SLC35F4: variants seen among roughly 807,000 people sequenced by gnomAD.
SLC35F4 encodes the protein solute carrier family 35 member F4.
In SLC35F4, 24 loss-of-function variants were observed where a neutral mutation model predicts 44.2. The observed-to-expected ratio is 0.54, with a 90% confidence interval of 0.39 to 0.76. SLC35F4 has a LOEUF of 0.76. Ranked by LOEUF, SLC35F4 falls within the 30% of genes least tolerant of loss-of-function variation. The pLI, the probability that SLC35F4 is intolerant of heterozygous loss-of-function variation, is 0.00. For synonymous variants in SLC35F4, 238 were observed against 223.6 expected (o/e 1.06, Z -0.57); for missense variants, 562 against 586.1 (o/e 0.96, Z 0.42).
intron 1 of SLC35F4, among the ~76,000 whole-genome samples, chr14:57,849,905 A>C (rs1886405548): frequency 6.6e-6 from 1 of 152,208 alleles, no homozygotes; most frequent in Non-Finnish European, 1.5e-5. Context: ...ACCCCTGAGG[A>C]AACTTTGGAA....
At chr14:57,894,088 A>G (rs906917820) in intron 1 of SLC35F4, among the ~76,000 whole-genome samples, 3 of 152,156 alleles carry the variant, frequency 2.0e-5, no homozygotes, top group Non-Finnish European at 4.4e-5. Context: ...GACAGACCAC[A>G]TGAAGTTCTT....
intron 6 of SLC35F4, among the ~76,000 whole-genome samples, chr14:57,568,132 C>G (rs2068296159): frequency 1.3e-5 from 2 of 152,228 alleles, no homozygotes; most frequent in Non-Finnish European, 2.9e-5. Context: ...AACTTTGGCA[C>G]AGTGAGCTCT....
chr14:57,730,016 C>T (rs1566802404), intron 1 of SLC35F4, among the ~76,000 whole-genome samples: 1 of 152,154 alleles, frequency 6.6e-6, no homozygotes, highest in African/African-American at 2.4e-5. Flanking sequence ...GTAAAGTTCC[C>T]CAGTTCCTGT....
rs964997338 is a variant in SLC35F4, at chr14:57,859,233, G to A, written c.103+6490C>T. Among the ~76,000 whole-genome samples, 6 of 152,076 alleles carry A rather than the reference G, an allele frequency of 3.9e-5. No individual in the cohort carries two copies. The East Asian group carries it at 5.8e-4, about 15-fold the overall frequency. On this transcript the variant is annotated intron_variant, in intron 1 of 7. Coordinates refer to ENST00000556826, the MANE Select transcript of SLC35F4 (RefSeq NM_001306087.2). ...ATTGGCGAAGTAGATTAAAGTGCTC[G>A]CATATATGGAAGACTATATGCATCC...
chr14:57,632,783 A>G lies in SLC35F4; in HGVS notation c.104-38659T>C, dbSNP rs75445372. On this transcript the variant is annotated intron_variant, in intron 1 of 7. Coordinates refer to ENST00000556826, the MANE Select transcript of SLC35F4 (RefSeq NM_001306087.2). ...GGATCTTGGCTCACTGCAACGTCCA[A>G]CTATGGGTTTTTGACAAATTTATAA... Among the ~76,000 whole-genome samples, 611 of 152,126 alleles carry G rather than the reference A, an allele frequency of 4.0e-3. 7 individuals carry two copies. The highest frequency in any genetic ancestry group is 0.014 in the African/African-American group (597 of 41,530).
intron 1 of SLC35F4, among the ~76,000 whole-genome samples, chr14:57,656,474 T>A (rs2073978286): frequency 6.6e-6 from 1 of 151,862 alleles, no homozygotes. Context: ...ATTAGTTACC[T>A]TAGATTATTT....
Position 57,582,379 on chromosome 14 carries a change from G to A in SLC35F4, c.588-946C>T, listed in dbSNP as rs945124702. 2.6e-5 allele frequency among the ~76,000 whole-genome samples: 4 copies of A among 152,146 alleles called. No individual in the cohort carries two copies. In the East Asian group the frequency reaches 5.8e-4, roughly 22 times the overall value. ...CCAGGCTAGTTTTTGAAATTTTTTT[G>A]TAGAGACAGACAGGATTTCACTCTG... On this transcript the variant is annotated intron_variant, in intron 3 of 7. Transcript: ENST00000556826.
chr14:57,695,824 T>A (rs997835043), intron 1 of SLC35F4, among the ~76,000 whole-genome samples: 1 of 152,188 alleles, frequency 6.6e-6, no homozygotes, highest in Non-Finnish European at 1.5e-5. Context: ...ATATACACCA[T>A]GAAATACTAT....
chr14:57,825,911 T>C (rs752305943), intron 1 of SLC35F4, among the ~76,000 whole-genome samples: 2 of 152,158 alleles, frequency 1.3e-5, no homozygotes, highest in Non-Finnish European at 2.9e-5. Flanking sequence ...GCAGAAAGAA[T>C]CAATATCACA....
intron 1 of SLC35F4, among the ~76,000 whole-genome samples, chr14:57,703,895 A>T (rs1233085856): frequency 6.6e-6 from 1 of 152,152 alleles, no homozygotes; most frequent in Non-Finnish European, 1.5e-5. Context: ...AACAAAAACA[A>T]AAACCAGGCT....
At chr14:57,685,093 T>C (rs2075029135) in intron 1 of SLC35F4, among the ~76,000 whole-genome samples, 1 of 152,172 alleles carries the variant, frequency 6.6e-6, no homozygotes, top group South Asian at 2.1e-4. Flanking sequence ...AATAAATCTA[T>C]ATTTTTTATC....
chr14:57,841,900 T>C (rs1170173210), intron 1 of SLC35F4, among the ~76,000 whole-genome samples: 1 of 152,226 alleles, frequency 6.6e-6, no homozygotes, highest in Non-Finnish European at 1.5e-5. Context: ...ATGTCAGATA[T>C]TGTGATATTT....
chr14:57,675,796 G>C (rs1186149326), intron 1 of SLC35F4, among the ~76,000 whole-genome samples: 1 of 151,858 alleles, frequency 6.6e-6, no homozygotes, highest in East Asian at 1.9e-4. Context: ...TTTTAATTCT[G>C]TTTATGTCAT....
intron 1 of SLC35F4, among the ~76,000 whole-genome samples, chr14:57,638,553 T>G (rs886510090): frequency 1.3e-5 from 2 of 152,146 alleles, no homozygotes; most frequent in Non-Finnish European, 2.9e-5. Flanking sequence ...GCTTCCAGTT[T>G]CAGCCAGAGG....
In SLC35F4 at chr14:57,622,334, C is replaced by T. The variant is rs1049266649; in HGVS notation, c.104-28210G>A. Among the ~76,000 whole-genome samples the T allele has an allele frequency of 1.5e-3, 220 of 143,728 alleles. 1 individual carries two copies. The highest frequency in any genetic ancestry group is 2.8e-3 in the Non-Finnish European group (184 of 65,796). 94.3% of individuals were successfully genotyped at this position (143,728 alleles called of 152,430 possible). A position where few individuals can be genotyped will look rare whatever the true frequency, so the allele number is the denominator to read the frequency against. Reference sequence around the variant, plus strand: ...CATTACTGGGTATATACCCAAAGGACTATAAATCATGCTGCTATAAAGACA... The same window carrying T: ...CATTACTGGGTATATACCCAAAGGATTATAAATCATGCTGCTATAAAGACA... On this transcript the variant is annotated intron_variant, in intron 1 of 7. Coordinates refer to ENST00000556826, the MANE Select transcript of SLC35F4 (RefSeq NM_001306087.2).
chr14:57,824,819 G>C (rs1883552301), intron 1 of SLC35F4, among the ~76,000 whole-genome samples: 1 of 151,972 alleles, frequency 6.6e-6, no homozygotes, highest in Non-Finnish European at 1.5e-5. Context: ...ATTATTCAGG[G>C]CCTTAGAGGC....
intron 1 of SLC35F4, among the ~76,000 whole-genome samples, chr14:57,953,860 C>T (rs192024197): frequency 6.6e-6 from 1 of 152,152 alleles, no homozygotes; most frequent in South Asian, 2.1e-4. Flanking sequence ...CAATATTAGA[C>T]AGATCAATGA....
intron 1 of SLC35F4, among the ~76,000 whole-genome samples, chr14:57,658,660 T>G (rs2074042866): frequency 6.6e-6 from 1 of 152,146 alleles, no homozygotes; most frequent in South Asian, 2.1e-4. Context: ...AGATCCAGTT[T>G]AAAACCAGAT....
chr14:57,715,276 C>T (rs574904384), intron 1 of SLC35F4, among the ~76,000 whole-genome samples: 60 of 152,250 alleles, frequency 3.9e-4, no homozygotes, highest in Non-Finnish European at 6.9e-4. Flanking sequence ...GTTCAGATGG[C>T]TAACCACAAG....
Sources: gnomAD v4.1 joint callset for allele counts (sites outside exome capture counted in the v4.1 genomes callset) on GRCh38, gnomAD v4.1.1 for gene constraint, MANE v1.5 for transcripts, NCBI Gene and HGNC (gene_info 2026-07-23, HGNC 2026-07-21) for gene names.